The following PDLIM1 variants were observed in gnomAD, a reference collection of about 807,000 sequenced individuals.
The protein encoded by PDLIM1 is PDZ and LIM domain 1, also known as PDZ and LIM domain protein 1.
Under a neutral mutation model 35.2 loss-of-function variants are expected in PDLIM1, and 25 were observed. The observed-to-expected ratio is 0.71, with a 90% confidence interval of 0.52 to 0.99. The LOEUF (loss-of-function observed/expected upper bound fraction) is 0.99, where lower values mean the gene tolerates loss of function less well. Among genes scored for constraint, PDLIM1 ranks in the 50% least tolerant of loss-of-function variants. The pLI, the probability that PDLIM1 is intolerant of heterozygous loss-of-function variation, is 0.00. For synonymous variants in PDLIM1, 152 were observed against 154.0 expected (o/e 0.99, Z 0.10); for missense variants, 363 against 415.3 (o/e 0.87, Z 1.09).
intron 3 of PDLIM1, among the ~76,000 whole-genome samples, chr10:95,264,406 T>G (rs1165886027): frequency 6.6e-6 from 1 of 152,160 alleles, no homozygotes; most frequent in Non-Finnish European, 1.5e-5. Context: ...AAAACACGCT[T>G]TCAGGGCACA....
At chr10:95,275,313 C>T (rs113586533) in intron 1 of PDLIM1, among the ~76,000 whole-genome samples, 9 of 152,202 alleles carry the variant, frequency 5.9e-5, no homozygotes, top group African/African-American at 1.9e-4. Context: ...AATAATAAAA[C>T]TCTAGTCTTC....
At chr10:95,264,694 G>GA (rs1238263362) in intron 3 of PDLIM1, among the ~76,000 whole-genome samples, 1 of 152,204 alleles carries the variant, frequency 6.6e-6, no homozygotes, top group Non-Finnish European at 1.5e-5. Flanking sequence ...ACCTGTTACA[G>GA]GGGCGGTACC....
At chr10:95,248,935 A>C in intron 4 of PDLIM1, among the ~76,000 whole-genome samples, 1 of 151,748 alleles carries the variant, frequency 6.6e-6, no homozygotes, top group Non-Finnish European at 1.5e-5. Flanking sequence ...CCTGACCCCG[A>C]CTCCAAACAG....
chr10:95,244,637 C>T (rs1458186323), intron 5 of PDLIM1, among the ~76,000 whole-genome samples: 5 of 152,056 alleles, frequency 3.3e-5, no homozygotes, highest in Admixed American at 3.3e-4. Context: ...CAGTGGCTCA[C>T]ATCTGTAATC....
At chr10:95,286,392 T>C (rs570055844) in intron 1 of PDLIM1, among the ~76,000 whole-genome samples, 4 of 152,166 alleles carry the variant, frequency 2.6e-5, no homozygotes, top group Non-Finnish European at 5.9e-5. Context: ...TCAAAGGGTA[T>C]GAAAACCTCT....
intron 2 of PDLIM1, among the ~76,000 whole-genome samples, chr10:95,271,372 G>C (rs1462335475): frequency 1.3e-5 from 2 of 150,914 alleles, no homozygotes; most frequent in East Asian, 3.9e-4. Context: ...GGGAGGCAGA[G>C]GTTGCAGTGA....
rs1370948524 is a variant in PDLIM1 at position 95,290,703 on chromosome 10, C to G, written c.96+117G>C. On this transcript the variant is annotated intron_variant, in intron 1 of 6. Transcript: ENST00000329399. The surrounding 1 kb of genome is among the most constrained non-coding windows in gnomAD (Gnocchi z 4.7). ...CGGAGAGCGCTCAACTAACAGCGCA[C>G]CTGGACGCGCCCGGCTGCGGTTCCG... 3.6e-6 allele frequency: 2 copies of G among 552,506 alleles called. No individual in the cohort carries two copies. Among genetic ancestry groups the G allele is most frequent in the East Asian group, 7.2e-5 (2 of 27,692 alleles). 34.2% of individuals were successfully genotyped at this position (552,506 alleles called of 1,614,324 possible).
At chr10:95,281,080 T>C (rs766023032) in intron 1 of PDLIM1, among the ~76,000 whole-genome samples, 40 of 152,190 alleles carry the variant, frequency 2.6e-4, no homozygotes, top group Non-Finnish European at 5.1e-4. Flanking sequence ...ATGATGACTA[T>C]GACTATCTTT....
intron 1 of PDLIM1, among the ~76,000 whole-genome samples, chr10:95,276,334 T>G (rs574841205): frequency 1.9e-4 from 29 of 150,704 alleles, no homozygotes; most frequent in Non-Finnish European, 3.4e-4. Context: ...TCATCTGCAG[T>G]GGCCTTCTAC....
chr10:95,268,835 C>A lies in PDLIM1; in HGVS notation c.276G>T (p.Leu92=). The change falls in exon 3 of 7, where the codon CTG becomes CTT. Residue 92 remains leucine (L), a synonymous_variant. Transcript: ENST00000329399. The part of the protein sequence containing the change: ...ARSEHKVWSP[L]VTEEGKRHPY... ...GATGACGCTTCCCTTCCTCCGTCACCAGAGGAGACCAGACTTTATGTTCAG... is the reference window on the plus strand; with the variant it reads ...GATGACGCTTCCCTTCCTCCGTCACAAGAGGAGACCAGACTTTATGTTCAG... 1 of 1,612,240 alleles carries A rather than the reference C, an allele frequency of 6.2e-7. No individual in the cohort carries two copies. The highest frequency in any genetic ancestry group is 8.5e-7 in the Non-Finnish European group (1 of 1,178,242).
intron 4 of PDLIM1, among the ~76,000 whole-genome samples, chr10:95,259,207 G>A (rs2035341811): frequency 6.6e-6 from 1 of 151,920 alleles, no homozygotes; most frequent in South Asian, 2.1e-4. Flanking sequence ...AGGGTATAGG[G>A]GATCTCTGTA....
intron 1 of PDLIM1, among the ~76,000 whole-genome samples, chr10:95,280,137 A>G (rs1253846748): frequency 6.6e-6 from 1 of 152,200 alleles, no homozygotes. Flanking sequence ...GCTCTCTGGG[A>G]GGCCAGGGTG....
At chr10:95,270,192 G>C (rs78060042) in intron 2 of PDLIM1, among the ~76,000 whole-genome samples, 3 of 152,218 alleles carry the variant, frequency 2.0e-5, no homozygotes, top group South Asian at 2.1e-4. Context: ...AGATAGAAAT[G>C]GAGATGAGAA....
At chr10:95,247,560 T>C in intron 4 of PDLIM1, 194 bp from the exon 5 acceptor site, 3 of 488,256 alleles carry the variant, frequency 6.1e-6, no homozygotes, top group Non-Finnish European at 1.1e-5. Context: ...AGCTGGCTGC[T>C]GCTTCAATGC....
At chr10:95,271,262 C>T (rs1206420195) in intron 2 of PDLIM1, among the ~76,000 whole-genome samples, 1 of 151,302 alleles carries the variant, frequency 6.6e-6, no homozygotes, top group Admixed American at 6.6e-5. Context: ...CATGGTGAAA[C>T]CCCATCTCTA....
chr10:95,262,940 C>T (rs2035377276), intron 4 of PDLIM1, among the ~76,000 whole-genome samples: 1 of 151,848 alleles, frequency 6.6e-6, no homozygotes, highest in African/African-American at 2.4e-5. Context: ...CCCAGGAGTT[C>T]GAGACCAGCC....
intron 4 of PDLIM1, among the ~76,000 whole-genome samples, chr10:95,262,561 T>C (rs1589512677): frequency 6.6e-6 from 1 of 152,130 alleles, no homozygotes; most frequent in African/African-American, 2.4e-5. Flanking sequence ...CAGCGTCCCC[T>C]CCGGACCAGG....
At chr10:95,265,419 A>C (rs1402096680) in intron 3 of PDLIM1, among the ~76,000 whole-genome samples, 1 of 151,800 alleles carries the variant, frequency 6.6e-6, no homozygotes, top group African/African-American at 2.4e-5. Flanking sequence ...ACATGGAGAA[A>C]CCTCATCTCT....
At position 95,245,494 on chromosome 10, in the gene PDLIM1, G is replaced by A. The variant is rs1291884776; in HGVS notation, c.685+1721C>T. On this transcript the variant is annotated intron_variant, in intron 5 of 6. Transcript: ENST00000329399. ...TGAGATGAGCTCTGCAGCATGTCTA[G>A]TTGGGCACGGATGAACTTGACCTTG... Among the ~76,000 whole-genome samples, 9 of 152,168 alleles carry A rather than the reference G, an allele frequency of 5.9e-5. No homozygotes were observed. In the East Asian group the frequency reaches 1.7e-3, roughly 29 times the overall value.
Sources: allele counts gnomAD v4.1 joint callset (sites outside exome capture counted in the v4.1 genomes callset), GRCh38; gene constraint gnomAD v4.1.1; non-coding constraint Gnocchi (gnomAD v3.1); transcripts MANE v1.5; gene names NCBI Gene and HGNC (gene_info 2026-07-23, HGNC 2026-07-21).